The following DENND10 variants were observed in gnomAD, a reference collection of about 807,000 sequenced individuals.
The protein encoded by DENND10 is DENN domain containing 10.
DENND10 carries 24 observed loss-of-function variants against 43.6 expected under a neutral mutation model. The observed-to-expected ratio is 0.55, with a 90% CI of 0.40 to 0.77. The LOEUF is 0.77. Among genes scored for constraint, DENND10 ranks in the 30% least tolerant of loss-of-function variants. DENND10 has a pLI of 0.00. For synonymous variants in DENND10, 125 were observed against 157.6 expected, an observed-to-expected ratio of 0.79 and a Z score of 1.55; for missense variants, 303 against 429.9, an observed-to-expected ratio of 0.70 and a Z score of 2.61.
At chr10:119,112,397 C>G (rs1010881993) in intron 3 of DENND10, among the ~76,000 whole-genome samples, 6 of 152,182 alleles carry the variant, frequency 3.9e-5, no homozygotes, top group African/African-American at 1.4e-4. Context: ...ACTGGTTAGT[C>G]ACGATTCAGC....
Position 119,132,628 on chromosome 10 carries a change from G to A in DENND10, c.897+19G>A, listed in dbSNP as rs768229153. ...TATACAGGTAACTCCCTCACCTTCT[G>A]ACTTACTGAAAGTCCTGACCCGGTG... On this transcript the variant is annotated intron_variant, in intron 8 of 8. Coordinates refer to ENST00000361432, the MANE Select transcript of DENND10 (RefSeq NM_207009.4). The surrounding 1 kb of genome is among the most constrained non-coding windows in gnomAD (Gnocchi z 4.2). The A allele has an allele frequency of 6.3e-7, 1 of 1,598,646 alleles. No individual in the cohort carries two copies. The highest frequency in any genetic ancestry group is 1.1e-5 in the South Asian group (1 of 90,762).
chr10:119,135,791 T>TAAAAAAAAAAA (rs367836571), intron 8 of DENND10, among the ~76,000 whole-genome samples: 1,016 of 63,870 alleles, frequency 0.016, 41 homozygotes, highest in Middle Eastern at 0.032. Context: ...ACTAAAATTG[T>TAAAAAAAAAAA]AAAAAAAAAA....
chr10:119,120,514 G>A, intron 5 of DENND10, 62 bp downstream of exon 5: 1 of 1,006,686 alleles, frequency 9.9e-7, no homozygotes, highest in Non-Finnish European at 1.6e-6. Context: ...AGCACTAGAT[G>A]TTACTGTGTG....
intron 4 of DENND10, among the ~76,000 whole-genome samples, chr10:119,119,153 T>A (rs1259739103): frequency 6.6e-6 from 1 of 152,144 alleles, no homozygotes; most frequent in Non-Finnish European, 1.5e-5. Context: ...TACAGGCATG[T>A]GCCACCACGC....
intron 5 of DENND10, among the ~76,000 whole-genome samples, chr10:119,122,807 AG>A (rs1435635449): frequency 1.3e-5 from 2 of 152,176 alleles, no homozygotes; most frequent in Admixed American, 1.3e-4. Context: ...TTGCTTGCAG[AG>A]GTGACTTTGA....
chr10:119,107,914 T>C, intron 1 of DENND10, 54 bp from the exon 2 acceptor site: 2 of 1,520,908 alleles, frequency 1.3e-6, no homozygotes, highest in Non-Finnish European at 1.8e-6. Context: ...AACCAATCAA[T>C]TCACTTCCTT....
intron 3 of DENND10, among the ~76,000 whole-genome samples, chr10:119,113,289 A>AAGCAGTCCTCTCACCTCAGC (rs1845069091): frequency 6.6e-6 from 1 of 151,118 alleles, no homozygotes; most frequent in Non-Finnish European, 1.5e-5. Flanking sequence ...TCCTGGGCTG[A>AAGCAGTCCTCTCACCTCAGC]AGCAGTCCTC....
intron 8 of DENND10, among the ~76,000 whole-genome samples, chr10:119,136,212 G>A (rs932377929): frequency 1.3e-5 from 2 of 149,154 alleles, no homozygotes; most frequent in Admixed American, 1.3e-4. Flanking sequence ...TATCTTTTTT[G>A]TTGTTCGTTT....
chr10:119,127,405 A>G (rs947353145), intron 6 of DENND10, among the ~76,000 whole-genome samples: 4 of 152,012 alleles, frequency 2.6e-5, no homozygotes, highest in African/African-American at 9.7e-5. Context: ...TTTCTCATTC[A>G]TGGGTGGGCC....
At chr10:119,119,021 T>C (rs1845432209) in intron 4 of DENND10, among the ~76,000 whole-genome samples, 1 of 151,724 alleles carries the variant, frequency 6.6e-6, no homozygotes, top group East Asian at 1.9e-4. Context: ...TTTTTTTTTT[T>C]TTTTTCTTTG....
intron 6 of DENND10, 35 bp downstream of exon 6, chr10:119,123,604 A>AC: frequency 1.6e-6 from 2 of 1,251,728 alleles, no homozygotes; most frequent in South Asian, 3.0e-5. Context: ...GAACTGTTTC[A>AC]CTTTTTTTTT....
At chr10:119,123,371 A>G in intron 5 of DENND10, 98 bp from the exon 6 acceptor site, 1 of 841,068 alleles carries the variant, frequency 1.2e-6, no homozygotes, top group Non-Finnish European at 2.0e-6. Flanking sequence ...TGTAGACTCT[A>G]CCCTCTTCAT....
chr10:119,129,701 T>C, intron 7 of DENND10, 79 bp downstream of exon 7: 1 of 992,156 alleles, frequency 1.0e-6, no homozygotes, highest in Non-Finnish European at 1.6e-6. Context: ...CTAAAACCAG[T>C]ATGTGAGGGC....
At chr10:119,122,577 C>T (rs1442895150) in intron 5 of DENND10, among the ~76,000 whole-genome samples, 1 of 152,150 alleles carries the variant, frequency 6.6e-6, no homozygotes, top group Non-Finnish European at 1.5e-5. Flanking sequence ...TTTTCCCCCT[C>T]TACGTATGCT....
intron 1 of DENND10, 74 bp downstream of exon 1, chr10:119,104,271 C>A: frequency 7.2e-7 from 1 of 1,390,570 alleles, no homozygotes; most frequent in Non-Finnish European, 9.5e-7. Flanking sequence ...CCGGGGCAGC[C>A]CGGGCTCCCG....
chr10:119,115,599 C>G (rs1317802763), intron 3 of DENND10, among the ~76,000 whole-genome samples: 1 of 143,372 alleles, frequency 7.0e-6, no homozygotes. Context: ...CCGTTTTAGC[C>G]GGGATGGTCT....
At chr10:119,131,545 A>G (rs1210094589) in intron 7 of DENND10, among the ~76,000 whole-genome samples, 1 of 152,208 alleles carries the variant, frequency 6.6e-6, no homozygotes. Context: ...AGCACTACTC[A>G]GGTAGTGGTT....
intron 6 of DENND10, among the ~76,000 whole-genome samples, chr10:119,129,186 T>C (rs1845968789): frequency 6.6e-6 from 1 of 152,186 alleles, no homozygotes; most frequent in Non-Finnish European, 1.5e-5. Flanking sequence ...GGCAAAGACC[T>C]GAAGGGGGAA....
At chr10:119,125,508 T>A (rs1167203244) in intron 6 of DENND10, among the ~76,000 whole-genome samples, 1 of 123,016 alleles carries the variant, frequency 8.1e-6, no homozygotes. Flanking sequence ...TTTCTTTTTT[T>A]TTTTTTTTTT....
Sources: gnomAD v4.1 joint callset for allele counts (sites outside exome capture counted in the v4.1 genomes callset) on GRCh38, gnomAD v4.1.1 for gene constraint, Gnocchi (gnomAD v3.1) non-coding constraint, MANE v1.5 for transcripts, NCBI Gene and HGNC (gene_info 2026-07-23, HGNC 2026-07-21) for gene names.